Variants in MTR observed in about 807,000 individuals in gnomAD.
MTR encodes the protein methionine synthase.
MTR carries 84 observed loss-of-function variants against 154.8 expected under a neutral mutation model. That is an observed-to-expected ratio of 0.54 (90% confidence interval 0.45 to 0.65). The LOEUF is 0.65. Ranked by LOEUF, MTR falls within the 30% of genes least tolerant of loss-of-function variation. The pLI is 0.00. For synonymous variants in MTR, 554 were observed against 553.9 expected (o/e 1.00, Z 0.00); for missense variants, 1,275 against 1,570.2 (o/e 0.81, Z 3.18).
chr1:236,821,395 C>T (rs997234192), intron 8 of MTR, among the ~76,000 whole-genome samples: 4 of 152,206 alleles, frequency 2.6e-5, no homozygotes, highest in Non-Finnish European at 5.9e-5. Flanking sequence ...CCTTCCAACG[C>T]TGTTTCATTG....
intron 15 of MTR, among the ~76,000 whole-genome samples, chr1:236,847,984 C>T (rs1449900932): frequency 6.6e-6 from 1 of 152,194 alleles, no homozygotes; most frequent in East Asian, 1.9e-4. Flanking sequence ...GAGATATGAC[C>T]TGCTCCTGAC....
chr1:236,850,488 G>A lies in MTR; in HGVS notation c.1660G>A (p.Ala554Thr). ...TGGAATGGAGGAACACAACTTGTAT[G>A]CCATTAATTTTATCCATGCAACAAA... ...GTGMEEHNLY[A>T]INFIHATKVI... The change falls in exon 16 of 33, where the codon GCC (alanine) becomes ACC (threonine). Residue 554 changes from alanine to threonine, a missense_variant. Physicochemically the swap from Ala to Thr is moderately conservative, Grantham distance 58 (BLOSUM62 0). Transcript: ENST00000366577. The A allele has an allele frequency of 6.2e-7, 1 of 1,613,738 alleles. No individual in the cohort carries two copies. The highest frequency in any genetic ancestry group is 8.5e-7 in the Non-Finnish European group (1 of 1,179,870).
At chr1:236,873,943 T>G (rs1572307348) in intron 23 of MTR, 103 bp downstream of exon 23, 1 of 1,122,298 alleles carries the variant, frequency 8.9e-7, no homozygotes. Flanking sequence ...CCCATGAGGG[T>G]TCTGTGGGAC....
chr1:236,883,854 T>A (rs1665882920), intron 25 of MTR, among the ~76,000 whole-genome samples: 1 of 152,190 alleles, frequency 6.6e-6, no homozygotes, highest in Non-Finnish European at 1.5e-5. Flanking sequence ...CGTCATTCAG[T>A]CTGACTTCCT....
At chr1:236,897,521 C>A (rs960032008) in intron 32 of MTR, 37 bp from the exon 33 acceptor site, 1 of 1,574,676 alleles carries the variant, frequency 6.4e-7, no homozygotes, top group Non-Finnish European at 8.7e-7. Flanking sequence ...AAAGTCTTAT[C>A]ATGTTGGTTT....
Position 236,861,283 on chromosome 1 carries a change from C to G in MTR, c.2196+6C>G. On this transcript the variant is annotated splice_donor_region_variant and intron_variant, in intron 20 of 32. Coordinates refer to ENST00000366577, the MANE Select transcript of MTR (RefSeq NM_000254.3). The stretch of plus-strand genomic sequence containing the variant: ...GAAAAATGTTTCTACCTCAGGTTAG[C>G]AAAATATGGGGAGAAATTTTCACAG... The G allele has an allele frequency of 3.1e-6, 5 of 1,613,690 alleles. No homozygotes were observed. Among genetic ancestry groups the G allele is most frequent in the Non-Finnish European group, 3.4e-6 (4 of 1,179,832 alleles).
At chr1:236,881,322 C>T (rs1318705631) in intron 25 of MTR, among the ~76,000 whole-genome samples, 2 of 152,150 alleles carry the variant, frequency 1.3e-5, no homozygotes, top group African/African-American at 2.4e-5. Context: ...AATTCACCCA[C>T]GTCCTGCTTT....
chr1:236,838,449 G>T lies in MTR; in HGVS notation c.1365G>T (p.Val455=). The change falls in exon 15 of 33, where the codon GTG becomes GTT. Residue 455 remains valine (V), a synonymous_variant. Transcript: ENST00000366577. ...GCATCGACTCCTCCAATTTTGCTGT[G>T]ATTGAAGCTGGGTTAAAGTGCTGCC... ...PLCIDSSNFA[V]IEAGLKCCQG... 2 of 1,614,116 alleles carry T rather than the reference G, an allele frequency of 1.2e-6. No homozygotes were observed. The highest frequency in any genetic ancestry group is 2.2e-5 in the South Asian group (2 of 91,080).
At chr1:236,822,453 G>A (rs982282506) in intron 8 of MTR, among the ~76,000 whole-genome samples, 1 of 151,846 alleles carries the variant, frequency 6.6e-6, no homozygotes, top group African/African-American at 2.4e-5. Context: ...GGGACTACAG[G>A]TGTGCGCCAC....
chr1:236,820,431 TG>T, intron 8 of MTR: 1 of 1,319,276 alleles, frequency 7.6e-7, no homozygotes, highest in Non-Finnish European at 1.1e-6. Flanking sequence ...AGCTGAAGAC[TG>T]GAGCACTCAG....
At position 236,806,402 on chromosome 1, in the gene MTR, A is replaced by G. The variant is rs142874816; in HGVS notation, c.339+169A>G. On this transcript the variant is annotated intron_variant, in intron 3 of 32. Transcript: ENST00000366577. ...GTGAATCCTTCCAGCTTGTGAACAC[A>G]GTGGCCCATTCATTTTCCAACTGGC... 1.5e-3 allele frequency among the ~76,000 whole-genome samples: 224 copies of G among 152,342 alleles called. 1 individual carries two copies. The highest frequency in any genetic ancestry group is 4.8e-3 in the African/African-American group (201 of 41,572).
At chr1:236,819,894 G>T (rs565709675) in intron 8 of MTR, 2 of 900,998 alleles carry the variant, frequency 2.2e-6, no homozygotes, top group East Asian at 2.4e-5. Flanking sequence ...CCAGAGGGCC[G>T]TGCTGAAGTT....
chr1:236,826,893 T>C lies in MTR; in HGVS notation c.992T>C (p.Ile331Thr), dbSNP rs369312480. 21 of 1,613,318 alleles carry C rather than the reference T, an allele frequency of 1.3e-5. No homozygotes were observed. Among genetic ancestry groups the C allele is most frequent in the Non-Finnish European group, 1.7e-5 (20 of 1,179,400 alleles). ...TGCTGTGGGTCAACACCAGATCATATCAGGTAATAATCACCTATAGACAAT... is the reference window on the plus strand; with the variant it reads ...TGCTGTGGGTCAACACCAGATCATACCAGGTAATAATCACCTATAGACAAT... ...GGCCGSTPDH[I>T]REIAEAVKNC... is the part of the protein sequence containing the mutation. Residue 331 changes from isoleucine (I) to threonine (T), a missense_variant, in exon 11 of 33, where the codon ATC becomes ACC. Coordinates refer to ENST00000366577, the MANE Select transcript of MTR (RefSeq NM_000254.3).
At chr1:236,897,310 G>GCGCGCGCACACACACACACACACACA in intron 32 of MTR, among the ~76,000 whole-genome samples, 192 bp downstream of exon 32, 6 of 128,610 alleles carry the variant, frequency 4.7e-5, no homozygotes, top group Non-Finnish European at 1.0e-4. Context: ...CCACACACAC[G>GCGCGCGCACACACACACACACACACA]CACACACACA....
intron 30 of MTR, 116 bp downstream of exon 30, chr1:236,894,673 T>C (rs78635017): frequency 4.3e-6 from 4 of 939,360 alleles, no homozygotes; most frequent in Non-Finnish European, 6.4e-6. Flanking sequence ...TTTTTTTTTT[T>C]CTTGAGATGG....
At chr1:236,856,984 A>G (rs1664247983) in intron 18 of MTR, among the ~76,000 whole-genome samples, 1 of 152,214 alleles carries the variant, frequency 6.6e-6, no homozygotes, top group South Asian at 2.1e-4. Context: ...CAGTGCCGCA[A>G]TAAACATACG....
intron 18 of MTR, among the ~76,000 whole-genome samples, chr1:236,857,901 G>A (rs532109740): frequency 1.3e-5 from 2 of 152,330 alleles, no homozygotes; most frequent in South Asian, 4.1e-4. Flanking sequence ...AGGTTTGGGG[G>A]TAGAGTGCAG....
At chr1:236,883,714 C>T (rs530401324) in intron 25 of MTR, among the ~76,000 whole-genome samples, 4 of 152,082 alleles carry the variant, frequency 2.6e-5, no homozygotes, top group Non-Finnish European at 5.9e-5. Flanking sequence ...CCACGATGGC[C>T]TTTTCTGATT....
chr1:236,795,838 C>G, intron 1 of MTR, 101 bp downstream of exon 1: 17 of 1,570,804 alleles, frequency 1.1e-5, no homozygotes, highest in Non-Finnish European at 1.2e-5. Flanking sequence ...GGGAGACGCC[C>G]GGCGGTGTTT....
Sources: gnomAD v4.1 joint callset for allele counts (sites outside exome capture counted in the v4.1 genomes callset) on GRCh38, gnomAD v4.1.1 for gene constraint, MANE v1.5 for transcripts, NCBI Gene and HGNC (gene_info 2026-07-23, HGNC 2026-07-21) for gene names.